Variants in PPIG observed in about 807,000 individuals in gnomAD.
The protein encoded by PPIG is peptidylprolyl isomerase G.
Under a neutral mutation model 87.9 loss-of-function variants are expected in PPIG, and 26 were observed. The ratio of observed to expected loss-of-function variants is 0.30; its 90% confidence interval spans 0.22 to 0.41. The LOEUF is 0.41. Ranked by LOEUF, PPIG falls within the 10% of genes least tolerant of loss-of-function variation. PPIG has a pLI of 1.00. For missense variants in PPIG, 722 were observed against 879.4 expected (o/e 0.82, Z 2.26); for synonymous variants, 308 against 276.5 (o/e 1.11, Z -1.13).
chr2:169,588,700 G>A (rs1043226447), intron 1 of PPIG, among the ~76,000 whole-genome samples: 2 of 151,928 alleles, frequency 1.3e-5, no homozygotes, highest in African/African-American at 2.4e-5. Flanking sequence ...AGTGGCTCAC[G>A]CCTGTAATCC....
At chr2:169,633,112 CAA>C (rs1163202734) in intron 11 of PPIG, 46 bp from the exon 12 acceptor site, 1 of 1,407,472 alleles carries the variant, frequency 7.1e-7, no homozygotes, top group East Asian at 2.3e-5. Flanking sequence ...GTCTGGCCAA[CAA>C]AAGTTTTTAA....
At chr2:169,601,717 G>A (rs1360765642) in intron 1 of PPIG, among the ~76,000 whole-genome samples, 1 of 152,172 alleles carries the variant, frequency 6.6e-6, no homozygotes, top group Non-Finnish European at 1.5e-5. Context: ...GAAAATATTA[G>A]AAGATGTTAG....
chr2:169,612,069 A>G (rs1331460286), intron 7 of PPIG, among the ~76,000 whole-genome samples: 1 of 151,910 alleles, frequency 6.6e-6, no homozygotes, highest in Non-Finnish European at 1.5e-5. Context: ...TCAAACTCCT[A>G]GGCTCAAGTG....
rs1264953237 is a variant in PPIG, at chr2:169,638,222, T to C, written c.*699T>C. 1.3e-5 allele frequency: 2 copies of C among 152,040 alleles called. No homozygotes were observed. Among genetic ancestry groups the C allele is most frequent in the Admixed American group, 1.3e-4 (2 of 15,248 alleles). The allele number at this position is 152,040 out of a possible 1,614,324, so 9.4% of individuals were successfully genotyped here. On this transcript the variant is annotated 3_prime_UTR_variant, in exon 14 of 14. Transcript: ENST00000260970. ...ACTGATTGAGCTTGAGTTGCTGTTA[T>C]ACAGCATTTGACAGGAACTATACCT... is the stretch of plus-strand genomic sequence containing the variant.
chr2:169,627,272 T>C (rs1394321537), intron 9 of PPIG, among the ~76,000 whole-genome samples: 2 of 151,920 alleles, frequency 1.3e-5, no homozygotes, highest in East Asian at 3.9e-4. Flanking sequence ...CTAATTTTTG[T>C]ATTTTTAGTA....
chr2:169,623,362 G>C (rs1472710966), intron 9 of PPIG, among the ~76,000 whole-genome samples: 1 of 152,158 alleles, frequency 6.6e-6, no homozygotes, highest in Non-Finnish European at 1.5e-5. Flanking sequence ...CAAGTTTTTT[G>C]TGTGAAAAAT....
intron 1 of PPIG, among the ~76,000 whole-genome samples, chr2:169,593,740 C>G (rs998763929): frequency 6.7e-6 from 1 of 148,724 alleles, no homozygotes; most frequent in East Asian, 2.0e-4. Flanking sequence ...CAAGCTTCAC[C>G]TCCCAGGTTC....
chr2:169,594,123 C>G (rs1684948938), intron 1 of PPIG, among the ~76,000 whole-genome samples: 1 of 151,998 alleles, frequency 6.6e-6, no homozygotes, highest in African/African-American at 2.4e-5. Flanking sequence ...TACCTGAAGG[C>G]TTTCTGAATT....
chr2:169,596,501 C>T (rs978921863), intron 1 of PPIG, among the ~76,000 whole-genome samples: 1 of 152,178 alleles, frequency 6.6e-6, no homozygotes, highest in Non-Finnish European at 1.5e-5. Context: ...CAGCAGAAAG[C>T]TCACCTCACC....
intron 9 of PPIG, among the ~76,000 whole-genome samples, chr2:169,623,074 T>G (rs1685799511): frequency 6.6e-6 from 1 of 152,086 alleles, no homozygotes; most frequent in South Asian, 2.1e-4. Flanking sequence ...AGATTGGAGA[T>G]CCTTCTTTTT....
intron 12 of PPIG, among the ~76,000 whole-genome samples, chr2:169,633,791 C>T (rs938729862): frequency 6.6e-6 from 1 of 151,774 alleles, no homozygotes; most frequent in Non-Finnish European, 1.5e-5. Context: ...TTTCAGTCTT[C>T]ATCTTACTTA....
chr2:169,628,630 G>C (rs1244989236), intron 9 of PPIG, among the ~76,000 whole-genome samples: 2 of 152,028 alleles, frequency 1.3e-5, no homozygotes, highest in Admixed American at 1.3e-4. Flanking sequence ...GTGCAACATA[G>C]CAAGACCCCA....
chr2:169,630,913 A>G lies in PPIG; in HGVS notation c.687A>G (p.Lys229=), dbSNP rs1686030340. The G allele has an allele frequency of 1.2e-5, 19 of 1,603,754 alleles. No individual in the cohort carries two copies. Among genetic ancestry groups the G allele is most frequent in the Non-Finnish European group, 1.6e-5 (19 of 1,177,704 alleles). The part of the protein sequence containing the change: ...SESATEEKSK[K]RKKKHRKNSR... Reference sequence around the variant, plus strand: ...GTGCTACTGAAGAGAAATCAAAGAAAAGAAAAAAGAAACATCGGAAAAATT... The same window carrying G: ...GTGCTACTGAAGAGAAATCAAAGAAGAGAAAAAAGAAACATCGGAAAAATT... Residue 229 remains lysine (K), a synonymous_variant, in exon 10 of 14, where the codon AAA becomes AAG. Transcript: ENST00000260970.
At chr2:169,619,310 T>G (rs1484009753) in intron 9 of PPIG, among the ~76,000 whole-genome samples, 2 of 152,176 alleles carry the variant, frequency 1.3e-5, no homozygotes, top group Non-Finnish European at 2.9e-5. Flanking sequence ...AATTTTAGAA[T>G]AAGTGCACTG....
Position 169,640,615 on chromosome 2 carries a change from T to G in PPIG, c.*3092T>G, listed in dbSNP as rs571473243. On this transcript the variant is annotated 3_prime_UTR_variant, in exon 14 of 14. Transcript: ENST00000260970. ...GAAACAAAATGGGTGTTCTTCTGTT[T>G]CCTTTTGATTATGTTTACTGTAATT... is the stretch of plus-strand genomic sequence containing the variant. 2 of 152,330 alleles carry G rather than the reference T, an allele frequency of 1.3e-5. No individual in the cohort carries two copies. The highest frequency in any genetic ancestry group is 3.9e-4 in the East Asian group (2 of 5,192). The allele number at this position is 152,330 out of a possible 1,614,324, so 9.4% of individuals were successfully genotyped here. A position where few individuals can be genotyped will look rare whatever the true frequency, so the allele number is the denominator to read the frequency against.
intron 7 of PPIG, among the ~76,000 whole-genome samples, chr2:169,609,762 A>G (rs1191767603): frequency 1.3e-5 from 2 of 152,190 alleles, no homozygotes; most frequent in Non-Finnish European, 2.9e-5. Context: ...GGAGTTAGAA[A>G]AGTCACCATT....
At chr2:169,625,758 G>A (rs1685866455) in intron 9 of PPIG, among the ~76,000 whole-genome samples, 2 of 152,008 alleles carry the variant, frequency 1.3e-5, no homozygotes, top group Non-Finnish European at 2.9e-5. Context: ...GTCTACTGGT[G>A]ACAAAATTAT....
intron 7 of PPIG, 67 bp downstream of exon 7, chr2:169,608,825 G>C: frequency 9.0e-7 from 1 of 1,111,642 alleles, no homozygotes; most frequent in East Asian, 2.7e-5. Flanking sequence ...GCTCATGCCT[G>C]TAATCCCAGG....
chr2:169,612,659 G>A (rs1685522947), intron 7 of PPIG, among the ~76,000 whole-genome samples: 1 of 152,116 alleles, frequency 6.6e-6, no homozygotes, highest in South Asian at 2.1e-4. Context: ...TGGGATTACA[G>A]ACGTGAGCCA....
Sources: allele counts gnomAD v4.1 joint callset (sites outside exome capture counted in the v4.1 genomes callset), GRCh38; gene constraint gnomAD v4.1.1; transcripts MANE v1.5; gene names NCBI Gene and HGNC (gene_info 2026-07-23, HGNC 2026-07-21).